SSH2: variants seen among roughly 807,000 people sequenced by gnomAD.
The protein encoded by SSH2 is slingshot protein phosphatase 2.
Under a neutral mutation model 135.2 loss-of-function variants are expected in SSH2, and 37 were observed. That is an observed-to-expected ratio of 0.27 (90% confidence interval 0.21 to 0.36). SSH2 has a LOEUF of 0.36. Ranked by LOEUF, SSH2 falls within the 10% of genes least tolerant of loss-of-function variation. The pLI is 1.00. For synonymous variants in SSH2, 628 were observed against 646.2 expected (o/e 0.97, Z 0.43); for missense variants, 1,408 against 1,765.3 (o/e 0.80, Z 3.63).
At chr17:29,725,885 T>G (rs1160246612) in intron 3 of SSH2, among the ~76,000 whole-genome samples, 1 of 152,156 alleles carries the variant, frequency 6.6e-6, no homozygotes, top group Non-Finnish European at 1.5e-5. Context: ...CTGCATGTTC[T>G]GCAAATGTAT....
intron 1 of SSH2, among the ~76,000 whole-genome samples, chr17:29,851,144 G>A (rs1226566274): frequency 2.0e-5 from 3 of 151,748 alleles, no homozygotes; most frequent in Admixed American, 2.0e-4. Context: ...TCTGGAACTC[G>A]TATTAGGAAA....
In SSH2 at chr17:29,647,994, T is replaced by C. The variant is rs947249309; in HGVS notation, c.1427+150A>G. ...TGCAAATCTTAAATGCTTACACTTA[T>C]GTTTTGAAAACTGGATTGATAGAGA... On this transcript the variant is annotated intron_variant, in intron 14 of 15. Coordinates refer to ENST00000540801, the MANE Select transcript of SSH2 (RefSeq NM_001282129.2). The C allele has an allele frequency of 3.5e-5, 27 of 775,942 alleles. No individual in the cohort carries two copies. The East Asian group carries it at 6.1e-4, about 17-fold the overall frequency. 48.1% of individuals were successfully genotyped at this position (775,942 alleles called of 1,614,324 possible).
chr17:29,870,277 G>GT (rs2065917511), intron 1 of SSH2, among the ~76,000 whole-genome samples: 1 of 99,964 alleles, frequency 1.0e-5, no homozygotes. Context: ...AGCAGAATAG[G>GT]TAAAAAAAAA....
At chr17:29,797,294 T>C (rs1333537616) in intron 2 of SSH2, among the ~76,000 whole-genome samples, 2 of 152,220 alleles carry the variant, frequency 1.3e-5, no homozygotes, top group African/African-American at 4.8e-5. Context: ...CCAGTCAAAA[T>C]GTGGCACCAC....
intron 2 of SSH2, among the ~76,000 whole-genome samples, chr17:29,821,895 C>T (rs1271186879): frequency 2.6e-5 from 4 of 152,152 alleles, no homozygotes; most frequent in Non-Finnish European, 5.9e-5. Flanking sequence ...CTGCCCGCCT[C>T]GGCCTCCCAA....
chr17:29,907,076 G>A (rs1337353887), intron 1 of SSH2, among the ~76,000 whole-genome samples: 1 of 152,274 alleles, frequency 6.6e-6, no homozygotes, highest in Admixed American at 6.5e-5. Context: ...GTTGACTGCA[G>A]CACTATCCAC....
chr17:29,755,922 A>G (rs1415085204), intron 3 of SSH2, among the ~76,000 whole-genome samples: 3 of 147,826 alleles, frequency 2.0e-5, no homozygotes, highest in African/African-American at 7.4e-5. Context: ...CGGCCTCCCA[A>G]AGTGCTGGGA....
Position 29,667,191 on chromosome 17 carries a change from A to G in SSH2, c.842T>C (p.Ile281Thr). 6.2e-7 allele frequency: 1 copy of G among 1,613,106 alleles called. No individual in the cohort carries two copies. Among genetic ancestry groups the G allele is most frequent in the Non-Finnish European group, 8.5e-7 (1 of 1,179,300 alleles). Residue 281 changes from isoleucine (I) to threonine (T), a missense_variant, in exon 10 of 16, where the codon ATT (isoleucine) becomes ACT (threonine). Coordinates refer to ENST00000540801, the MANE Select transcript of SSH2 (RefSeq NM_001282129.2). ...PTERERTERL[I>T]KTKLREIMMQ... ...CATGATCTCCCTTAATTTGGTTTTA[A>G]TTAGCCTTTCTGTTCGTTCACGTTC...
At chr17:29,772,311 T>C (rs932854049) in intron 3 of SSH2, among the ~76,000 whole-genome samples, 5 of 151,272 alleles carry the variant, frequency 3.3e-5, no homozygotes, top group African/African-American at 4.9e-5. Context: ...AGTGGCGTGA[T>C]CTCGGCTCAC....
chr17:29,690,883 G>A (rs949263426), intron 5 of SSH2, among the ~76,000 whole-genome samples: 9 of 151,310 alleles, frequency 5.9e-5, no homozygotes, highest in Admixed American at 1.3e-4. Flanking sequence ...TCACATTTTC[G>A]TAGAAACAAA....
intron 11 of SSH2, among the ~76,000 whole-genome samples, chr17:29,665,987 G>T (rs1012811189): frequency 6.6e-6 from 1 of 152,220 alleles, no homozygotes; most frequent in African/African-American, 2.4e-5. Context: ...CACCAGCTCT[G>T]CTCAGATATA....
chr17:29,833,851 C>T (rs1318094022), intron 2 of SSH2, among the ~76,000 whole-genome samples: 2 of 42,924 alleles, frequency 4.7e-5, no homozygotes, highest in East Asian at 8.8e-4. Flanking sequence ...TTTCTCCTTC[C>T]CTCCCTCCCT....
At chr17:29,929,857 G>C (rs2067151921) in intron 1 of SSH2, 81 bp downstream of exon 1, 1 of 1,358,608 alleles carries the variant, frequency 7.4e-7, no homozygotes. Flanking sequence ...CGCGTGCGCA[G>C]TGGCGTTCGG....
chr17:29,818,021 C>T (rs948998816), intron 2 of SSH2, among the ~76,000 whole-genome samples: 1 of 152,084 alleles, frequency 6.6e-6, no homozygotes, highest in Admixed American at 6.6e-5. Context: ...CTTCCTACTA[C>T]AGCCTCCCAA....
Position 29,800,462 on chromosome 17 carries a change from A to G in SSH2, c.145-6525T>C, listed in dbSNP as rs147830244. The stretch of plus-strand genomic sequence containing the variant: ...ATTCTAACAAGTGCAGAAACCAGAT[A>G]TAACAGCCTTTCTTGTCAAGTAACT... On this transcript the variant is annotated intron_variant, in intron 2 of 15. Coordinates refer to ENST00000540801, the MANE Select transcript of SSH2 (RefSeq NM_001282129.2). 7.9e-5 allele frequency among the ~76,000 whole-genome samples: 12 copies of G among 152,364 alleles called. No individual in the cohort carries two copies. In the East Asian group the frequency reaches 1.9e-3, roughly 24 times the overall value.
At chr17:29,793,255 A>C (rs758287630) in intron 3 of SSH2, among the ~76,000 whole-genome samples, 2 of 152,186 alleles carry the variant, frequency 1.3e-5, no homozygotes, top group Non-Finnish European at 2.9e-5. Context: ...CCCTTCTAAC[A>C]ACATGCCCAC....
At chr17:29,850,470 C>A (rs1271949511) in intron 1 of SSH2, among the ~76,000 whole-genome samples, 1 of 152,138 alleles carries the variant, frequency 6.6e-6, no homozygotes, top group Non-Finnish European at 1.5e-5. Flanking sequence ...CTAAAGTATA[C>A]CCTCAGAGAT....
At chr17:29,807,839 T>A (rs1203691330) in intron 2 of SSH2, among the ~76,000 whole-genome samples, 1 of 148,818 alleles carries the variant, frequency 6.7e-6, no homozygotes, top group Non-Finnish European at 1.5e-5. Flanking sequence ...TGGCTTTTTT[T>A]TTTTTTTTTT....
intron 1 of SSH2, among the ~76,000 whole-genome samples, chr17:29,910,417 C>G (rs1480453483): frequency 6.6e-6 from 1 of 152,192 alleles, no homozygotes; most frequent in Non-Finnish European, 1.5e-5. Flanking sequence ...ATGCCTTACT[C>G]TACATATGAT....
Sources: allele counts gnomAD v4.1 joint callset (sites outside exome capture counted in the v4.1 genomes callset), GRCh38; gene constraint gnomAD v4.1.1; transcripts MANE v1.5; gene names NCBI Gene and HGNC (gene_info 2026-07-23, HGNC 2026-07-21).